Variants in TMPRSS2 observed in about 807,000 individuals in gnomAD.
The protein encoded by TMPRSS2 is transmembrane serine protease 2, also known as transmembrane protease serine 2.
TMPRSS2 carries 59 observed loss-of-function variants against 67.4 expected under a neutral mutation model. The ratio of observed to expected loss-of-function variants is 0.88; its 90% CI spans 0.71 to 1.09. The LOEUF is 1.09. Ranked by LOEUF, TMPRSS2 falls within the 50% of genes least tolerant of loss-of-function variation. The pLI, the probability that TMPRSS2 is intolerant of heterozygous loss-of-function variation, is 0.00. For missense variants in TMPRSS2, 668 were observed against 642.7 expected (o/e 1.04, Z -0.43); for synonymous variants, 257 against 257.0 (o/e 1.00, Z 0.00).
At position 41,494,526 on chromosome 21, in the gene TMPRSS2, T is replaced by C; in HGVS notation, c.68A>G (p.Glu23Gly). Reference protein sequence around the residue: ...PYYENHGYQPENPYPAQPTVV... With the variant: ...PYYENHGYQPGNPYPAQPTVV... ...AGTGGGCTGTGCGGGATAGGGGTTT[T>C]CCGGTTGGTATCCATGGTTTTCATA... The change falls in exon 3 of 14, where the codon GAA (glutamate) becomes GGA (glycine). Residue 23 changes from glutamate (E) to glycine (G), a missense_variant. By Grantham distance (98) the Glu-to-Gly change is moderately conservative. Coordinates refer to ENST00000332149, the MANE Select transcript of TMPRSS2 (RefSeq NM_005656.4). 6.2e-7 allele frequency: 1 copy of C among 1,613,970 alleles called. No homozygotes were observed. The highest frequency in any genetic ancestry group is 8.5e-7 in the Non-Finnish European group (1 of 1,179,992).
intron 9 of TMPRSS2, among the ~76,000 whole-genome samples, chr21:41,473,015 G>A (rs1278849075): frequency 6.6e-6 from 1 of 152,192 alleles, no homozygotes; most frequent in African/African-American, 2.4e-5. Flanking sequence ...TCAGGGGGCA[G>A]GGGCTTTGCT....
In TMPRSS2 at chr21:41,473,334, C is replaced by T. The variant is rs906113408; in HGVS notation, c.890G>A (p.Cys297Tyr). Residue 297 changes from cysteine to tyrosine, a missense_variant, in exon 9 of 14, where the codon TGC becomes TAC. Coordinates refer to ENST00000332149, the MANE Select transcript of TMPRSS2 (RefSeq NM_005656.4). ...GCCGCCCCTGGCATACTTTTCCACGCAGTGGGCGGCTGTCACGATCCACTC... is the reference window on the plus strand; with the variant it reads ...GCCGCCCCTGGCATACTTTTCCACGTAGTGGGCGGCTGTCACGATCCACTC... ...TPEWIVTAAH[C>Y]VEKPLNNPWH... 1.3e-6 allele frequency: 2 copies of T among 1,598,884 alleles called. No homozygotes were observed. The highest frequency in any genetic ancestry group is 3.4e-5 in the Admixed American group (2 of 59,176).
In TMPRSS2 at chr21:41,470,633, C is replaced by T; in HGVS notation, c.1171+15G>A. On this transcript the variant is annotated intron_variant, in intron 11 of 13. Transcript: ENST00000332149. ...TGTGGGCCCTGCAGTCCTGTGTGCCCAGGAGCAGCCTCACCTTTCTCCTCG... is the reference window on the plus strand; with the variant it reads ...TGTGGGCCCTGCAGTCCTGTGTGCCTAGGAGCAGCCTCACCTTTCTCCTCG... 2 of 1,612,078 alleles carry T rather than the reference C, an allele frequency of 1.2e-6. No individual in the cohort carries two copies. The highest frequency in any genetic ancestry group is 1.3e-5 in the African/African-American group (1 of 75,022).
intron 1 of TMPRSS2, among the ~76,000 whole-genome samples, chr21:41,507,527 GGCCGTATCGTTCCCGGCATCTCA>G (rs2091466697): frequency 6.6e-6 from 1 of 152,140 alleles, no homozygotes; most frequent in African/African-American, 2.4e-5. Context: ...CCGCCGCGCC[GGCCGTATCGTTCCCGGCATCTCA>G]GCGAGTTTCC....
chr21:41,467,994 C>T (rs2091098903), intron 12 of TMPRSS2, 108 bp from the exon 13 acceptor site: 8 of 1,235,110 alleles, frequency 6.5e-6, no homozygotes, highest in Admixed American at 1.9e-5. Context: ...GTGTGAGTTA[C>T]GAGTGACTGT....
chr21:41,488,303 C>T (rs573704321), intron 5 of TMPRSS2, 91 bp downstream of exon 5: 101 of 1,477,636 alleles, frequency 6.8e-5, no homozygotes, highest in South Asian at 5.7e-4. Context: ...ACTGGACGCA[C>T]GCCAGGCCCA....
At chr21:41,482,741 A>T (rs1179094859) in intron 5 of TMPRSS2, among the ~76,000 whole-genome samples, 1 of 152,240 alleles carries the variant, frequency 6.6e-6, no homozygotes, top group African/African-American at 2.4e-5. Context: ...GGACAACGGA[A>T]TATTATTTGG....
intron 7 of TMPRSS2, among the ~76,000 whole-genome samples, chr21:41,477,955 C>G (rs1467915690): frequency 6.6e-6 from 1 of 152,144 alleles, no homozygotes; most frequent in Non-Finnish European, 1.5e-5. Flanking sequence ...AGCCCTCCAG[C>G]CTCCTTGTGA....
At chr21:41,491,623 G>A (rs1272929689) in intron 3 of TMPRSS2, among the ~76,000 whole-genome samples, 1 of 152,146 alleles carries the variant, frequency 6.6e-6, no homozygotes, top group Non-Finnish European at 1.5e-5. Context: ...CCATTACCAA[G>A]GACACTTTCC....
At chr21:41,473,600 C>G in intron 8 of TMPRSS2, 104 bp from the exon 9 acceptor site, 1 of 1,279,184 alleles carries the variant, frequency 7.8e-7, no homozygotes, top group Non-Finnish European at 1.1e-6. Context: ...AAGGACAGGG[C>G]AGGGGCACCA....
In TMPRSS2 at chr21:41,471,790, C is replaced by G. The variant is rs1208664537; in HGVS notation, c.1075+16G>C. 3 of 1,579,720 alleles carry G rather than the reference C, an allele frequency of 1.9e-6. No individual in the cohort carries two copies. The highest frequency in any genetic ancestry group is 4.5e-5 in the East Asian group (2 of 44,312). On this transcript the variant is annotated intron_variant, in intron 10 of 13. Transcript: ENST00000332149. Reference sequence around the variant, plus strand: ...AGATTCTGCCAACCTGCTTGCCAAGCCTGAGCCACACGTACCGTTGAAAGT... The same window carrying G: ...AGATTCTGCCAACCTGCTTGCCAAGGCTGAGCCACACGTACCGTTGAAAGT...
chr21:41,473,651 T>C (rs974261113), intron 8 of TMPRSS2, among the ~76,000 whole-genome samples, 155 bp from the exon 9 acceptor site: 2 of 151,822 alleles, frequency 1.3e-5, no homozygotes, highest in African/African-American at 4.8e-5. Context: ...GGGTCTCCTC[T>C]TGGGGAAGGG....
intron 2 of TMPRSS2, chr21:41,494,833 G>A (rs1332944266): frequency 2.2e-6 from 1 of 464,748 alleles, no homozygotes; most frequent in Non-Finnish European, 3.9e-6. Context: ...CACTTTGGGA[G>A]GCCGAGGCGG....
rs773618232 is a variant in TMPRSS2, at chr21:41,466,110, T to C, written c.*32A>G. The stretch of plus-strand genomic sequence containing the variant: ...CAAAACCAGCCCCATTGTTTTCTTG[T>C]AAAACGACGTCAAGGACGAAGACCA... On this transcript the variant is annotated 3_prime_UTR_variant, in exon 14 of 14. Transcript: ENST00000332149. 1 of 1,613,536 alleles carries C rather than the reference T, an allele frequency of 6.2e-7. No individual in the cohort carries two copies. Among genetic ancestry groups the C allele is most frequent in the Admixed American group, 1.7e-5 (1 of 59,908 alleles).
At chr21:41,480,425 G>A (rs780343945) in intron 6 of TMPRSS2, 51 bp downstream of exon 6, 38 of 1,598,344 alleles carry the variant, frequency 2.4e-5, no homozygotes, top group South Asian at 2.1e-4. Flanking sequence ...GGGTCTTCTC[G>A]TGTTTCTGCT....
intron 2 of TMPRSS2, chr21:41,494,796 T>A: frequency 3.3e-6 from 2 of 612,190 alleles, no homozygotes. Flanking sequence ...CAAGGCTGGG[T>A]GCGGTGGCTC....
chr21:41,464,667 G>A lies in TMPRSS2; in HGVS notation c.*1475C>T, dbSNP rs929663872. 4.3e-6 allele frequency: 1 copy of A among 233,152 alleles called. No individual in the cohort carries two copies. The allele number at this position is 233,152 out of a possible 1,614,324, so 14.4% of individuals were successfully genotyped here. A position where few individuals can be genotyped will look rare whatever the true frequency, so the allele number is the denominator to read the frequency against. ...AACAGTTGTTCACATAAATAAGAAGGGGCAATAAAGAAGGAAGACGTTTTC... is the reference window on the plus strand; with the variant it reads ...AACAGTTGTTCACATAAATAAGAAGAGGCAATAAAGAAGGAAGACGTTTTC... On this transcript the variant is annotated 3_prime_UTR_variant, in exon 14 of 14. Transcript: ENST00000332149.
At chr21:41,493,539 G>A (rs577632959) in intron 3 of TMPRSS2, among the ~76,000 whole-genome samples, 1 of 152,350 alleles carries the variant, frequency 6.6e-6, no homozygotes, top group Non-Finnish European at 1.5e-5. Context: ...ACAAGTTGTA[G>A]AGACAGGATG....
intron 2 of TMPRSS2, among the ~76,000 whole-genome samples, chr21:41,496,864 GT>G (rs1601588578): frequency 2.1e-5 from 2 of 96,252 alleles, no homozygotes; most frequent in East Asian, 6.6e-4. Context: ...TTTTGAGACA[GT>G]GTTTCCCTCT....
Sources: gnomAD v4.1 joint callset for allele counts (sites outside exome capture counted in the v4.1 genomes callset) on GRCh38, gnomAD v4.1.1 for gene constraint, MANE v1.5 for transcripts, NCBI Gene and HGNC (gene_info 2026-07-23, HGNC 2026-07-21) for gene names.